The following COBL variants were observed in gnomAD, a reference collection of about 807,000 sequenced individuals.
COBL encodes protein cordon-bleu.
In COBL, 51 loss-of-function variants were observed where a neutral mutation model predicts 98.8. The observed-to-expected ratio is 0.52, with a 90% CI of 0.41 to 0.65. The LOEUF (loss-of-function observed/expected upper bound fraction) is 0.65. Ranked by LOEUF, COBL falls within the 30% of genes least tolerant of loss-of-function variation. The pLI is 0.00. For missense variants in COBL, 1,617 were observed against 1,617.5 expected (o/e 1.00, Z 0.01); for synonymous variants, 634 against 651.7 (o/e 0.97, Z 0.41).
chr7:51,067,190 C>G (rs1410480162), intron 7 of COBL, among the ~76,000 whole-genome samples: 1 of 152,202 alleles, frequency 6.6e-6, no homozygotes, highest in Non-Finnish European at 1.5e-5. Flanking sequence ...GGCCTCATAT[C>G]TTCACACACG....
At chr7:51,237,024 C>T (rs1250425459) in intron 1 of COBL, among the ~76,000 whole-genome samples, 1 of 151,922 alleles carries the variant, frequency 6.6e-6, no homozygotes, top group African/African-American at 2.4e-5. Flanking sequence ...CTGAGGAAAA[C>T]CCAGGGAATA....
rs1794062395 is a variant in COBL, at chr7:51,085,020, C to G, written c.1096+146G>C. 3.3e-6 allele frequency: 4 copies of G among 1,201,572 alleles called. No homozygotes were observed. In the Admixed American group the frequency reaches 9.1e-5, roughly 27 times the overall value. The allele number at this position is 1,201,572 out of a possible 1,614,324, so 74.4% of individuals were successfully genotyped here. A position where few individuals can be genotyped will look rare whatever the true frequency, so the allele number is the denominator to read the frequency against. On this transcript the variant is annotated intron_variant, in intron 7 of 12. Coordinates refer to ENST00000265136, the MANE Select transcript of COBL (RefSeq NM_015198.5). ...ATATGAAGTGAACTTGCAATTATTT[C>G]TTTCCAGCCCTTCTTTCTTTAGCAT...
chr7:51,165,354 G>A (rs1388021683), intron 5 of COBL, among the ~76,000 whole-genome samples: 2 of 151,950 alleles, frequency 1.3e-5, no homozygotes, highest in Non-Finnish European at 2.9e-5. Flanking sequence ...GACCAAAACT[G>A]TAAGAAGAGA....
Position 51,200,364 on chromosome 7 carries a change from C to T in COBL, c.246-6775G>A, listed in dbSNP as rs559007103. On this transcript the variant is annotated intron_variant, in intron 2 of 12. Coordinates refer to ENST00000265136, the MANE Select transcript of COBL (RefSeq NM_015198.5). ...TATTGTAATACTGAAATGGTACACACAAATCTCTTTAAACACTAGTATACA... is the reference window on the plus strand; with the variant it reads ...TATTGTAATACTGAAATGGTACACATAAATCTCTTTAAACACTAGTATACA... 2.6e-5 allele frequency among the ~76,000 whole-genome samples: 4 copies of T among 152,296 alleles called. 1 individual carries two copies. The South Asian group carries it at 6.2e-4, about 24-fold the overall frequency.
chr7:51,200,117 C>T (rs185735396), intron 2 of COBL, among the ~76,000 whole-genome samples: 1 of 152,086 alleles, frequency 6.6e-6, no homozygotes, highest in Non-Finnish European at 1.5e-5. Flanking sequence ...TGGGATGATA[C>T]AGCAAAGTAC....
At chr7:51,037,323 T>C (rs1788743858) in intron 8 of COBL, among the ~76,000 whole-genome samples, 1 of 152,122 alleles carries the variant, frequency 6.6e-6, no homozygotes, top group South Asian at 2.1e-4. Flanking sequence ...AAGGAGGAGG[T>C]AGTGCATATC....
chr7:51,244,025 A>C (rs1402459858), intron 1 of COBL, among the ~76,000 whole-genome samples: 1 of 152,170 alleles, frequency 6.6e-6, no homozygotes, highest in Non-Finnish European at 1.5e-5. Flanking sequence ...AGGAAAGATA[A>C]ACCATCATGT....
intron 1 of COBL, among the ~76,000 whole-genome samples, chr7:51,311,254 C>A (rs1803007952): frequency 6.6e-6 from 1 of 152,202 alleles, no homozygotes; most frequent in Admixed American, 6.5e-5. Context: ...AGCAGCTCGC[C>A]ACCTGATGAG....
intron 6 of COBL, among the ~76,000 whole-genome samples, chr7:51,101,452 G>A (rs1044169723): frequency 7.9e-5 from 12 of 152,170 alleles, no homozygotes; most frequent in Non-Finnish European, 1.6e-4. Context: ...TGAAGATTAC[G>A]AAAGATAACT....
chr7:51,247,281 T>C (rs1006682648), intron 1 of COBL, among the ~76,000 whole-genome samples: 1 of 152,180 alleles, frequency 6.6e-6, no homozygotes, highest in African/African-American at 2.4e-5. Flanking sequence ...GGGGCCACTC[T>C]GCTTTCTCAG....
At position 51,193,598 on chromosome 7, in the gene COBL, A is replaced by C. The variant is rs757905471; in HGVS notation, c.246-9T>G. 2.5e-6 allele frequency: 4 copies of C among 1,612,586 alleles called. No individual in the cohort carries two copies. The highest frequency in any genetic ancestry group is 2.7e-5 in the African/African-American group (2 of 74,918). ...GGTCCATCATCGCATGGCTGAAAAA[A>C]GGAAAACAAATCATGATTATTAGGA... On this transcript the variant is annotated splice_polypyrimidine_tract_variant and intron_variant, in intron 2 of 12. Transcript: ENST00000265136.
intron 1 of COBL, among the ~76,000 whole-genome samples, chr7:51,237,186 G>A (rs936745485): frequency 2.0e-5 from 3 of 152,118 alleles, no homozygotes; most frequent in Admixed American, 6.6e-5. Context: ...CTGCCACCCT[G>A]TCCCTCATTT....
intron 2 of COBL, among the ~76,000 whole-genome samples, chr7:51,215,218 T>C (rs1345031101): frequency 6.6e-6 from 1 of 152,204 alleles, no homozygotes; most frequent in Non-Finnish European, 1.5e-5. Context: ...TTAGGAAGAA[T>C]GTGTCCACCT....
intron 1 of COBL, among the ~76,000 whole-genome samples, chr7:51,306,403 C>G (rs184830927): frequency 1.3e-5 from 2 of 152,096 alleles, no homozygotes; most frequent in Non-Finnish European, 2.9e-5. Flanking sequence ...ACACAATTAG[C>G]GAATTTGTGG....
At chr7:51,268,217 T>C (rs762223178) in intron 1 of COBL, among the ~76,000 whole-genome samples, 1 of 152,222 alleles carries the variant, frequency 6.6e-6, no homozygotes, top group African/African-American at 2.4e-5. Context: ...AGGAATTTTA[T>C]TATGAATGAG....
At chr7:51,105,024 C>T (rs577143310) in intron 6 of COBL, among the ~76,000 whole-genome samples, 7 of 151,902 alleles carry the variant, frequency 4.6e-5, no homozygotes, top group African/African-American at 1.2e-4. Flanking sequence ...GGGAAGGGGA[C>T]GGGGTATAAC....
intron 1 of COBL, among the ~76,000 whole-genome samples, chr7:51,309,809 A>G (rs1192541623): frequency 6.6e-6 from 1 of 152,198 alleles, no homozygotes; most frequent in African/African-American, 2.4e-5. Context: ...GGCTCCAAGG[A>G]GCTGCTCAGA....
At chr7:51,084,872 G>A (rs1350986728) in intron 7 of COBL, among the ~76,000 whole-genome samples, 10 of 151,972 alleles carry the variant, frequency 6.6e-5, no homozygotes, top group South Asian at 2.1e-4. Context: ...GACACACGTC[G>A]CACACTCACA....
chr7:51,234,301 T>C lies in COBL; in HGVS notation c.42-14357A>G, dbSNP rs538653987. Among the ~76,000 whole-genome samples the C allele has an allele frequency of 1.6e-4, 25 of 152,366 alleles. 1 individual carries two copies. Among genetic ancestry groups the C allele is most frequent in the South Asian group, 1.0e-3 (5 of 4,830 alleles). ...CAACCATGTGGCCTCTGGGCACTTC[T>C]TGTCCACTGTTAGACCTGCGGCCAC... is the stretch of plus-strand genomic sequence containing the variant. On this transcript the variant is annotated intron_variant, in intron 1 of 12. Transcript: ENST00000265136.
Sources: gnomAD v4.1 joint callset for allele counts (sites outside exome capture counted in the v4.1 genomes callset) on GRCh38, gnomAD v4.1.1 for gene constraint, MANE v1.5 for transcripts, NCBI Gene and HGNC (gene_info 2026-07-23, HGNC 2026-07-21) for gene names.